ERC1: variants seen among roughly 807,000 people sequenced by gnomAD.
The protein encoded by ERC1 is ELKS/RAB6-interacting/CAST family member 1, also known as RAB6 interacting protein 2.
ERC1 carries 56 observed loss-of-function variants against 132.0 expected under a neutral mutation model. That is an observed-to-expected ratio of 0.42 (90% confidence interval 0.34 to 0.53). ERC1 has a LOEUF of 0.53. ERC1 is among the 20% of genes least tolerant of loss of function. The pLI, the probability that ERC1 is intolerant of heterozygous loss-of-function variation, is 0.03. For missense variants in ERC1, 1,202 were observed against 1,349.9 expected, an observed-to-expected ratio of 0.89 and a Z score of 1.72; for synonymous variants, 478 against 476.1, an observed-to-expected ratio of 1.00 and a Z score of -0.05.
upstream of ERC1, among the ~76,000 whole-genome samples, chr12:990,848 A>T (rs190060815): frequency 1.3e-5 from 2 of 151,718 alleles, no homozygotes; most frequent in Admixed American, 6.6e-5. Context: ...TCCAGCGTCC[A>T]CTTCCTACGG....
intron 8 of ERC1, among the ~76,000 whole-genome samples, chr12:1,147,414 T>G (rs1408776366): frequency 2.0e-5 from 3 of 152,224 alleles, no homozygotes; most frequent in African/African-American, 7.2e-5. Context: ...GTTTTGATCT[T>G]TCAATAGTAA....
intron 17 of ERC1, among the ~76,000 whole-genome samples, chr12:1,432,587 A>G (rs2092828789): frequency 6.6e-6 from 1 of 152,256 alleles, no homozygotes; most frequent in Non-Finnish European, 1.5e-5. Context: ...AAAACAGGTT[A>G]TTGGAAATAA....
Position 1,117,063 on chromosome 12 carries a change from G to A in ERC1, c.1569+1030G>A, listed in dbSNP as rs76041721. On this transcript the variant is annotated intron_variant, in intron 7 of 18. Coordinates refer to ENST00000360905, the MANE Select transcript of ERC1 (RefSeq NM_178040.4). Reference sequence around the variant, plus strand: ...GAAGAGAAAGAGTTGATGATACCATGTGGATTTACTGTCTTAATATAAATA... The same window carrying A: ...GAAGAGAAAGAGTTGATGATACCATATGGATTTACTGTCTTAATATAAATA... 3.4e-4 allele frequency among the ~76,000 whole-genome samples: 52 copies of A among 152,340 alleles called. No homozygotes were observed. The East Asian group carries it at 9.8e-3, about 29-fold the overall frequency.
intron 7 of ERC1, among the ~76,000 whole-genome samples, chr12:1,135,100 C>A (rs765905352): frequency 2.0e-5 from 3 of 152,200 alleles, no homozygotes; most frequent in Admixed American, 1.3e-4. Context: ...TGGAAGGGAA[C>A]ATTCAGAACA....
intron 12 of ERC1, among the ~76,000 whole-genome samples, chr12:1,195,555 G>A (rs1956140183): frequency 6.6e-6 from 1 of 152,098 alleles, no homozygotes; most frequent in African/African-American, 2.4e-5. Context: ...AGGCTTCTGG[G>A]AATGATTTTC....
intron 15 of ERC1, among the ~76,000 whole-genome samples, chr12:1,304,820 C>G (rs1435493975): frequency 1.8e-5 from 2 of 108,272 alleles, no homozygotes; most frequent in Non-Finnish European, 3.5e-5. Context: ...GACGGAGTCT[C>G]GCTCTGCTGC....
At chr12:1,032,977 A>G (rs1968341970) in intron 2 of ERC1, among the ~76,000 whole-genome samples, 1 of 150,810 alleles carries the variant, frequency 6.6e-6, no homozygotes, top group Non-Finnish European at 1.5e-5. Context: ...GGTTCAAGTG[A>G]CTCTCCTGTC....
intron 16 of ERC1, among the ~76,000 whole-genome samples, chr12:1,375,284 A>G (rs115593184): frequency 1.6e-3 from 238 of 152,292 alleles, no homozygotes; most frequent in African/African-American, 5.5e-3. Flanking sequence ...GAGAGCGATC[A>G]AGCGAGGAAC....
chr12:1,180,874 C>T (rs1002519188), intron 9 of ERC1, among the ~76,000 whole-genome samples, 197 bp downstream of exon 9: 6 of 150,214 alleles, frequency 4.0e-5, no homozygotes, highest in Admixed American at 1.3e-4. Flanking sequence ...AGTGCAGTGG[C>T]GTGATCTTGT....
chr12:1,040,617 A>T (rs1461010792), intron 2 of ERC1, among the ~76,000 whole-genome samples: 1 of 151,604 alleles, frequency 6.6e-6, no homozygotes. Context: ...AAAAATACTC[A>T]TTTTTCTTTC....
At chr12:1,135,472 G>A (rs74445315) in intron 7 of ERC1, among the ~76,000 whole-genome samples, 1,804 of 152,336 alleles carry the variant, frequency 0.012, 25 homozygotes, top group Non-Finnish European at 0.018. Context: ...AGCAGTAGGT[G>A]TGGTGGGCTG....
chr12:1,284,445 A>G (rs1302298536), intron 14 of ERC1, among the ~76,000 whole-genome samples: 2 of 152,040 alleles, frequency 1.3e-5, no homozygotes, highest in African/African-American at 4.8e-5. Flanking sequence ...TTTCTTTTGG[A>G]TATATACCTA....
intron 14 of ERC1, among the ~76,000 whole-genome samples, chr12:1,287,498 G>T (rs987475620): frequency 6.6e-6 from 1 of 152,204 alleles, no homozygotes; most frequent in Non-Finnish European, 1.5e-5. Flanking sequence ...ATAGTGGATT[G>T]CCCTCCCTGA....
intron 16 of ERC1, among the ~76,000 whole-genome samples, chr12:1,401,748 T>TAA (rs60523460): frequency 4.6e-4 from 53 of 115,358 alleles, no homozygotes; most frequent in South Asian, 2.0e-3. Context: ...GGGAGGGCGG[T>TAA]AAAAAAAAAA....
At chr12:1,450,505 A>G (rs2093402670) in intron 18 of ERC1, among the ~76,000 whole-genome samples, 1 of 152,188 alleles carries the variant, frequency 6.6e-6, no homozygotes, top group South Asian at 2.1e-4. Flanking sequence ...TTTTAAGGCT[A>G]CTGTTTTATA....
intron 7 of ERC1, among the ~76,000 whole-genome samples, chr12:1,139,987 A>C (rs1949719111): frequency 6.6e-6 from 1 of 152,172 alleles, no homozygotes; most frequent in Non-Finnish European, 1.5e-5. Flanking sequence ...ATAGAGGTAA[A>C]TTACAGATGA....
At chr12:1,025,610 A>G (rs1236535487) in intron 1 of ERC1, among the ~76,000 whole-genome samples, 4 of 152,172 alleles carry the variant, frequency 2.6e-5, no homozygotes, top group Non-Finnish European at 5.9e-5. Context: ...AAAAATTTAT[A>G]TCTTTAATGT....
At chr12:1,462,479 T>C (rs577247872) in intron 18 of ERC1, among the ~76,000 whole-genome samples, 56 of 152,356 alleles carry the variant, frequency 3.7e-4, no homozygotes, top group African/African-American at 1.3e-3. Context: ...ATATCATTAA[T>C]GGAATACTAC....
At chr12:1,144,757 C>A (rs1950197504) in intron 8 of ERC1, among the ~76,000 whole-genome samples, 1 of 150,884 alleles carries the variant, frequency 6.6e-6, no homozygotes, top group Non-Finnish European at 1.5e-5. Flanking sequence ...TATAAACATG[C>A]CTGTGCAAGT....
Sources: gnomAD v4.1 joint callset for allele counts (sites outside exome capture counted in the v4.1 genomes callset) on GRCh38, gnomAD v4.1.1 for gene constraint, MANE v1.5 for transcripts, NCBI Gene and HGNC (gene_info 2026-07-23, HGNC 2026-07-21) for gene names.